GRM8: variants seen among roughly 807,000 people sequenced by gnomAD.
GRM8 encodes metabotropic glutamate receptor 8.
Under a neutral mutation model 87.2 loss-of-function variants are expected in GRM8, and 47 were observed. The observed-to-expected ratio is 0.54, with a 90% CI of 0.43 to 0.69. The LOEUF (loss-of-function observed/expected upper bound fraction) is 0.69, where lower values mean the gene tolerates loss of function less well. Among genes scored for constraint, GRM8 ranks in the 30% least tolerant of loss-of-function variants. GRM8 has a pLI of 0.00. For missense variants in GRM8, 1,019 were observed against 1,139.2 expected, an observed-to-expected ratio of 0.89 and a Z score of 1.52; for synonymous variants, 396 against 404.5, an observed-to-expected ratio of 0.98 and a Z score of 0.25.
At position 126,439,136 on chromosome 7, in the gene GRM8, T is replaced by C; in HGVS notation, c.2710A>G (p.Ser904Gly). The change falls in exon 11 of 11, where the codon AGC becomes GGC. Residue 904 changes from serine to glycine, a missense_variant. Physicochemically the swap from Ser to Gly is moderately conservative, Grantham distance 56. Transcript: ENST00000339582. Reference sequence around the variant, plus strand: ...TCCCTGTTTCAGATTGAATGATTGCTGTAACTGATATATGTTGTCTTGGTA... The same window carrying C: ...TCCCTGTTTCAGATTGAATGATTGCCGTAACTGATATATGTTGTCTTGGTA... ...SSTKTTYISY[S>G]NHSI 6.4e-7 allele frequency: 1 copy of C among 1,574,012 alleles called. No homozygotes were observed. Among genetic ancestry groups the C allele is most frequent in the Non-Finnish European group, 8.7e-7 (1 of 1,143,746 alleles).
chr7:126,806,703 C>G (rs1283398838), intron 6 of GRM8, among the ~76,000 whole-genome samples: 2 of 152,234 alleles, frequency 1.3e-5, no homozygotes, highest in African/African-American at 4.8e-5. Context: ...TGGCATGCGT[C>G]GCGGGACTTT....
At chr7:126,451,486 T>C (rs1239963639) in intron 9 of GRM8, among the ~76,000 whole-genome samples, 2 of 151,722 alleles carry the variant, frequency 1.3e-5, no homozygotes, top group Non-Finnish European at 2.9e-5. Context: ...TGTCCTAGTG[T>C]TCTCTTTCCT....
intron 2 of GRM8, among the ~76,000 whole-genome samples, chr7:127,216,960 C>G (rs1269151485): frequency 6.6e-6 from 1 of 152,216 alleles, no homozygotes; most frequent in African/African-American, 2.4e-5. Flanking sequence ...ATTTATCTGT[C>G]ACATCACCCT....
intron 2 of GRM8, among the ~76,000 whole-genome samples, chr7:127,135,801 G>C (rs1827918589): frequency 6.6e-6 from 1 of 151,990 alleles, no homozygotes; most frequent in Non-Finnish European, 1.5e-5. Context: ...CATTTGGTTT[G>C]CTCCAAGGAG....
intron 6 of GRM8, among the ~76,000 whole-genome samples, chr7:126,875,279 G>GAA (rs545284156): frequency 7.1e-6 from 1 of 141,184 alleles, no homozygotes; most frequent in Non-Finnish European, 1.6e-5. Flanking sequence ...ATCAAAGAAG[G>GAA]AAAAAAAAAA....
intron 7 of GRM8, among the ~76,000 whole-genome samples, chr7:126,758,825 T>A (rs1324814860): frequency 1.3e-5 from 2 of 152,200 alleles, no homozygotes; most frequent in African/African-American, 4.8e-5. Context: ...CAAAATCCCT[T>A]AAGCATAGTA....
chr7:127,212,716 C>T (rs904464143), intron 2 of GRM8, among the ~76,000 whole-genome samples: 1 of 152,044 alleles, frequency 6.6e-6, no homozygotes, highest in Non-Finnish European at 1.5e-5. Context: ...CGCGCCCGGC[C>T]GACATGGTGT....
chr7:126,614,089 T>A (rs1383092571), intron 7 of GRM8, among the ~76,000 whole-genome samples: 1 of 152,130 alleles, frequency 6.6e-6, no homozygotes, highest in Non-Finnish European at 1.5e-5. Flanking sequence ...CTCAAGTAGG[T>A]CCCTGACCTC....
chr7:126,653,523 C>T (rs1042159685), intron 7 of GRM8, among the ~76,000 whole-genome samples: 1 of 152,148 alleles, frequency 6.6e-6, no homozygotes, highest in Non-Finnish European at 1.5e-5. Flanking sequence ...AAGAAAATTA[C>T]ATTGATTGTA....
chr7:126,886,589 G>A (rs140817119), intron 6 of GRM8, among the ~76,000 whole-genome samples: 1 of 152,066 alleles, frequency 6.6e-6, no homozygotes, highest in East Asian at 1.9e-4. Flanking sequence ...ATTAATTTCT[G>A]AACAGGCTAC....
At chr7:126,751,829 A>C (rs1380107815) in intron 7 of GRM8, among the ~76,000 whole-genome samples, 1 of 152,180 alleles carries the variant, frequency 6.6e-6, no homozygotes, top group African/African-American at 2.4e-5. Flanking sequence ...CTCAGGCCAG[A>C]AGAGTGATCT....
chr7:126,464,871 G>T (rs886623908), intron 9 of GRM8, among the ~76,000 whole-genome samples: 1 of 151,638 alleles, frequency 6.6e-6, no homozygotes, highest in African/African-American at 2.4e-5. Flanking sequence ...AAAAGTTGTT[G>T]TAGTTGTTAT....
At chr7:126,458,050 A>C (rs1803458698) in intron 9 of GRM8, among the ~76,000 whole-genome samples, 1 of 151,006 alleles carries the variant, frequency 6.6e-6, no homozygotes, top group East Asian at 2.0e-4. Flanking sequence ...GTATGTTTAA[A>C]GTTTAAGAGC....
intron 7 of GRM8, among the ~76,000 whole-genome samples, chr7:126,645,632 G>A (rs1420428600): frequency 1.6e-4 from 24 of 152,216 alleles, no homozygotes. Context: ...TGTCTATGCA[G>A]TGAACAGGAA....
chr7:126,667,301 T>C (rs1585437961), intron 7 of GRM8, among the ~76,000 whole-genome samples: 1 of 152,198 alleles, frequency 6.6e-6, no homozygotes, highest in Non-Finnish European at 1.5e-5. Flanking sequence ...AGTTGAAACA[T>C]TGTACGTGGA....
intron 7 of GRM8, among the ~76,000 whole-genome samples, chr7:126,642,390 G>C (rs1173276484): frequency 6.6e-6 from 1 of 152,150 alleles, no homozygotes; most frequent in Non-Finnish European, 1.5e-5. Flanking sequence ...TGTAATCCCA[G>C]CACTTTGGGA....
chr7:126,459,166 A>C (rs1803595456), intron 9 of GRM8, among the ~76,000 whole-genome samples: 1 of 151,610 alleles, frequency 6.6e-6, no homozygotes, highest in East Asian at 1.9e-4. Context: ...GTACCAGTAC[A>C]AATTAGTTTT....
intron 6 of GRM8, among the ~76,000 whole-genome samples, chr7:126,864,040 T>TC (rs1798379583): frequency 6.8e-6 from 1 of 148,034 alleles, no homozygotes; most frequent in Non-Finnish European, 1.5e-5. Context: ...GTGGCTTTTT[T>TC]TTTTTTTTTT....
chr7:127,155,310 C>T (rs1166103377), intron 2 of GRM8, among the ~76,000 whole-genome samples: 1 of 152,112 alleles, frequency 6.6e-6, no homozygotes, highest in African/African-American at 2.4e-5. Context: ...ATTTCTGGTG[C>T]TTTTATACTC....
Sources: allele counts gnomAD v4.1 joint callset (sites outside exome capture counted in the v4.1 genomes callset), GRCh38; gene constraint gnomAD v4.1.1; transcripts MANE v1.5; gene names NCBI Gene and HGNC (gene_info 2026-07-23, HGNC 2026-07-21).